Variants in SDC2 observed in about 807,000 individuals in gnomAD.
SDC2 encodes syndecan 2, also known as syndecan-2.
SDC2 carries 13 observed loss-of-function variants against 22.2 expected under a neutral mutation model. The observed-to-expected ratio is 0.59, with a 90% CI of 0.38 to 0.93. SDC2 has a LOEUF of 0.93. Ranked by LOEUF, SDC2 falls within the 40% of genes least tolerant of loss-of-function variation. The pLI, the probability that SDC2 is intolerant of heterozygous loss-of-function variation, is 0.00. For synonymous variants in SDC2, 94 were observed against 92.8 expected, an observed-to-expected ratio of 1.01 and a Z score of -0.07; for missense variants, 235 against 246.8, an observed-to-expected ratio of 0.95 and a Z score of 0.32.
chr8:96,598,846 C>G (rs921554954), intron 2 of SDC2, among the ~76,000 whole-genome samples: 1 of 151,090 alleles, frequency 6.6e-6, no homozygotes, highest in Non-Finnish European at 1.5e-5. Flanking sequence ...AGTGGGGCTT[C>G]GAGATTTCTG....
chr8:96,569,272 G>A (rs1303275116), intron 1 of SDC2, among the ~76,000 whole-genome samples: 1 of 152,226 alleles, frequency 6.6e-6, no homozygotes, highest in Non-Finnish European at 1.5e-5. Flanking sequence ...GCCTTCCAAA[G>A]TGTTGGGATT....
At chr8:96,548,627 T>G (rs976078448) in intron 1 of SDC2, among the ~76,000 whole-genome samples, 4 of 152,148 alleles carry the variant, frequency 2.6e-5, no homozygotes, top group African/African-American at 9.7e-5. Flanking sequence ...AACCTGTACT[T>G]TACTCCAACA....
At chr8:96,539,946 A>C (rs559004977) in intron 1 of SDC2, among the ~76,000 whole-genome samples, 1 of 152,330 alleles carries the variant, frequency 6.6e-6, no homozygotes, top group African/African-American at 2.4e-5. Flanking sequence ...GCTTGGAGGC[A>C]GGGTCTCACT....
chr8:96,549,555 G>A (rs1181556598), intron 1 of SDC2, among the ~76,000 whole-genome samples: 2 of 152,172 alleles, frequency 1.3e-5, no homozygotes, highest in Middle Eastern at 3.2e-3. Flanking sequence ...AGGCTAACTG[G>A]AGCCAGTAGT....
chr8:96,587,720 T>A (rs1031398571), intron 1 of SDC2, among the ~76,000 whole-genome samples: 1 of 152,182 alleles, frequency 6.6e-6, no homozygotes, highest in Non-Finnish European at 1.5e-5. Context: ...TTCTGAAAGA[T>A]GTTAAATCGA....
intron 1 of SDC2, among the ~76,000 whole-genome samples, chr8:96,547,106 C>T (rs987256619): frequency 1.3e-5 from 2 of 152,114 alleles, no homozygotes; most frequent in African/African-American, 4.8e-5. Context: ...TTCTAAATGG[C>T]CTATTGATTT....
chr8:96,514,066 C>A (rs1294377164), intron 1 of SDC2, among the ~76,000 whole-genome samples: 1 of 152,126 alleles, frequency 6.6e-6, no homozygotes, highest in Non-Finnish European at 1.5e-5. Context: ...TCTTTTGTTG[C>A]CTATAGTTGA....
chr8:96,589,108 C>T (rs534683777), intron 1 of SDC2, among the ~76,000 whole-genome samples: 3 of 152,276 alleles, frequency 2.0e-5, no homozygotes, highest in Non-Finnish European at 4.4e-5. Flanking sequence ...TTACAACTAC[C>T]GTATAAGTTT....
At position 96,610,634 on chromosome 8, in the gene SDC2, ATAT is replaced by A. The variant is rs1251732006; in HGVS notation, c.*1088_*1090del. On this transcript the variant is annotated 3_prime_UTR_variant, in exon 5 of 5. Transcript: ENST00000302190. Reference sequence around the variant, plus strand: ...ACTACTGAATAAATCATGTGGCCTAATATTGAAAATGTCACTGTTATAAATTTT... The same window carrying A: ...ACTACTGAATAAATCATGTGGCCTAATGAAAATGTCACTGTTATAAATTTT... The A allele has an allele frequency of 2.6e-5, 4 of 152,648 alleles. No individual in the cohort carries two copies. Among genetic ancestry groups the A allele is most frequent in the Non-Finnish European group, 5.9e-5 (4 of 68,038 alleles). The allele number at this position is 152,648 out of a possible 1,614,324, so 9.5% of individuals were successfully genotyped here.
At chr8:96,605,995 ACT>A (rs1026481507) in intron 3 of SDC2, among the ~76,000 whole-genome samples, 3 of 152,012 alleles carry the variant, frequency 2.0e-5, no homozygotes, top group African/African-American at 7.2e-5. Context: ...TTTTGGATGA[ACT>A]CTAGCCTTCA....
intron 1 of SDC2, among the ~76,000 whole-genome samples, chr8:96,560,714 A>T (rs768467595): frequency 6.6e-6 from 1 of 151,926 alleles, no homozygotes; most frequent in Non-Finnish European, 1.5e-5. Flanking sequence ...AGCTATGTAC[A>T]TATACTTGAT....
intron 1 of SDC2, among the ~76,000 whole-genome samples, chr8:96,537,975 TG>T (rs1813781316): frequency 6.6e-6 from 1 of 152,224 alleles, no homozygotes; most frequent in Admixed American, 6.5e-5. Flanking sequence ...TTTGTTTGTT[TG>T]TTTTTGAGAC....
At chr8:96,580,651 C>T (rs887144783) in intron 1 of SDC2, 1 of 384,176 alleles carries the variant, frequency 2.6e-6, no homozygotes, top group Non-Finnish European at 3.6e-6. Context: ...AGGGCCCAAG[C>T]AAGAGACCAT....
chr8:96,574,673 C>T (rs1183065099), intron 1 of SDC2, among the ~76,000 whole-genome samples: 3 of 152,204 alleles, frequency 2.0e-5, no homozygotes, highest in African/African-American at 7.2e-5. Flanking sequence ...CATTTGACTG[C>T]TTTCTACTGA....
chr8:96,517,695 TTATATG>T (rs1465700947), intron 1 of SDC2, among the ~76,000 whole-genome samples: 1 of 150,742 alleles, frequency 6.6e-6, no homozygotes, highest in Non-Finnish European at 1.5e-5. Flanking sequence ...TCTGTATGAT[TTATATG>T]AAGTACTATA....
intron 1 of SDC2, among the ~76,000 whole-genome samples, chr8:96,507,832 A>G (rs1477999017): frequency 1.3e-5 from 2 of 152,188 alleles, no homozygotes; most frequent in African/African-American, 4.8e-5. Context: ...CCTTTTGCCA[A>G]TCTTAGATGT....
chr8:96,581,966 T>A (rs1277412931), intron 1 of SDC2, among the ~76,000 whole-genome samples: 3 of 152,348 alleles, frequency 2.0e-5, no homozygotes. Context: ...TGCTTTGAGA[T>A]GGCACAGGTC....
chr8:96,527,298 C>G (rs913298732), intron 1 of SDC2, among the ~76,000 whole-genome samples: 1 of 152,160 alleles, frequency 6.6e-6, no homozygotes, highest in Non-Finnish European at 1.5e-5. Flanking sequence ...ATAAATCCCA[C>G]TTGAATCATT....
chr8:96,532,669 A>G (rs1813684152), intron 1 of SDC2, among the ~76,000 whole-genome samples: 1 of 152,044 alleles, frequency 6.6e-6, no homozygotes, highest in African/African-American at 2.4e-5. Flanking sequence ...TCCCCCCAAA[A>G]AAACACACTG....
Sources: gnomAD v4.1 joint callset for allele counts (sites outside exome capture counted in the v4.1 genomes callset) on GRCh38, gnomAD v4.1.1 for gene constraint, MANE v1.5 for transcripts, NCBI Gene and HGNC (gene_info 2026-07-23, HGNC 2026-07-21) for gene names.